The following LMTK2 variants were observed in gnomAD, a reference collection of about 807,000 sequenced individuals.
LMTK2 encodes the protein lemur tail kinase 2.
LMTK2 carries 37 observed loss-of-function variants against 127.5 expected under a neutral mutation model. The observed-to-expected ratio is 0.29, with a 90% CI of 0.22 to 0.38. The LOEUF is 0.38. LMTK2 is among the 10% of genes least tolerant of loss of function. The pLI is 1.00. For missense variants in LMTK2, 1,694 were observed against 1,920.3 expected, an observed-to-expected ratio of 0.88 and a Z score of 2.20; for synonymous variants, 819 against 810.1, an observed-to-expected ratio of 1.01 and a Z score of -0.19.
In LMTK2 at chr7:98,205,582, C is replaced by A; in HGVS notation, c.*90C>A. ...AGCCCGAGCAGCGACATCCACTCGC[C>A]ATTTGCTGACATGAGATTGGGAGGA... On this transcript the variant is annotated 3_prime_UTR_variant, in exon 14 of 14. Transcript: ENST00000297293. 7.6e-7 allele frequency: 1 copy of A among 1,318,680 alleles called. No homozygotes were observed. Among genetic ancestry groups the A allele is most frequent in the Non-Finnish European group, 1.1e-6 (1 of 934,168 alleles). 81.7% of individuals were successfully genotyped at this position (1,318,680 alleles called of 1,614,324 possible).
chr7:98,116,405 T>C (rs1796284789), intron 1 of LMTK2, among the ~76,000 whole-genome samples: 1 of 150,968 alleles, frequency 6.6e-6, no homozygotes, highest in Non-Finnish European at 1.5e-5. Flanking sequence ...TGTGTGTGTG[T>C]GCATGTGCGT....
intron 11 of LMTK2, among the ~76,000 whole-genome samples, chr7:98,200,241 G>A (rs148848025): frequency 2.2e-4 from 33 of 152,150 alleles, no homozygotes; most frequent in South Asian, 6.2e-4. Flanking sequence ...TTTGCCCTCC[G>A]TCCCCTTCTT....
chr7:98,157,473 C>T (rs79741749), intron 5 of LMTK2, among the ~76,000 whole-genome samples: 8,056 of 152,040 alleles, frequency 0.053, 632 homozygotes, highest in East Asian at 0.36. Flanking sequence ...GCATCCCTTG[C>T]CATTTATTCC....
intron 4 of LMTK2, 47 bp downstream of exon 4, chr7:98,151,502 G>A (rs372814861): frequency 1.1e-4 from 152 of 1,390,612 alleles, no homozygotes; most frequent in Non-Finnish European, 1.4e-4. Context: ...ATGATACTGT[G>A]TTCAGTGCAG....
At chr7:98,203,786 G>A in intron 12 of LMTK2, 80 bp downstream of exon 12, 1 of 1,592,152 alleles carries the variant, frequency 6.3e-7, no homozygotes, top group East Asian at 2.2e-5. Context: ...AACTTCCCAT[G>A]TTGCTTTAAT....
chr7:98,141,626 C>A, intron 3 of LMTK2, 85 bp downstream of exon 3: 1 of 1,266,224 alleles, frequency 7.9e-7, no homozygotes. Flanking sequence ...AAATATTGGA[C>A]TGCCCATCTC....
intron 11 of LMTK2, among the ~76,000 whole-genome samples, chr7:98,201,755 G>A (rs1159239974): frequency 3.9e-5 from 6 of 152,004 alleles, no homozygotes; most frequent in Admixed American, 1.3e-4. Flanking sequence ...GGCTACAGGC[G>A]TGCACCACCA....
intron 1 of LMTK2, among the ~76,000 whole-genome samples, chr7:98,114,595 G>T (rs866043180): frequency 1.5e-4 from 23 of 152,226 alleles, no homozygotes; most frequent in Middle Eastern, 6.8e-3. Context: ...AATTAGGTGT[G>T]CAGGACCTTG....
At position 98,191,729 on chromosome 7, in the gene LMTK2, T is replaced by C; in HGVS notation, c.1264T>C (p.Phe422Leu). 6.2e-7 allele frequency: 1 copy of C among 1,614,156 alleles called. No homozygotes were observed. The highest frequency in any genetic ancestry group is 1.1e-5 in the South Asian group (1 of 91,074). The part of the protein sequence containing the change: ...LQSQRDSEVD[F>L]EQQWNALKPN... ...GAGCCAGCGGGACTCAGAGGTCGAC[T>C]TTGAACAGCAGTGGAACGCTCTGAA... The change falls in exon 11 of 14, where the codon TTT becomes CTT. Residue 422 changes from phenylalanine (F) to leucine (L), a missense_variant. Coordinates refer to ENST00000297293, the MANE Select transcript of LMTK2 (RefSeq NM_014916.4).
At chr7:98,117,733 G>A (rs1212266913) in intron 1 of LMTK2, among the ~76,000 whole-genome samples, 3 of 152,096 alleles carry the variant, frequency 2.0e-5, no homozygotes, top group Non-Finnish European at 2.9e-5. Flanking sequence ...TTGGGAGGCC[G>A]AGGTGGGCGG....
At position 98,171,957 on chromosome 7, in the gene LMTK2, G is replaced by A. The variant is rs998628456; in HGVS notation, c.791+283G>A. 2.0e-5 allele frequency among the ~76,000 whole-genome samples: 3 copies of A among 152,170 alleles called. No homozygotes were observed. Among genetic ancestry groups the A allele is most frequent in the Admixed American group, 6.5e-5 (1 of 15,276 alleles). The stretch of plus-strand genomic sequence containing the variant: ...CTCAGAGTTGGGAGTAAACAGTCCC[G>A]ATCCACCGTATGACACCTCGCGTGT... On this transcript the variant is annotated intron_variant, in intron 7 of 13. Coordinates refer to ENST00000297293, the MANE Select transcript of LMTK2 (RefSeq NM_014916.4). The surrounding 1 kb of genome is among the most constrained non-coding windows in gnomAD (Gnocchi z 5.1).
Position 98,171,058 on chromosome 7 carries a change from TCTC to T in LMTK2, c.658-480_658-478del, listed in dbSNP as rs376818904. Among the ~76,000 whole-genome samples, 27 of 152,184 alleles carry T rather than the reference TCTC, an allele frequency of 1.8e-4. No individual in the cohort carries two copies. Among genetic ancestry groups the T allele is most frequent in the African/African-American group, 6.3e-4 (26 of 41,526 alleles). On this transcript the variant is annotated intron_variant, in intron 6 of 13. Coordinates refer to ENST00000297293, the MANE Select transcript of LMTK2 (RefSeq NM_014916.4). This position sits in a 1 kb window ranked among gnomAD's most constrained non-coding sequence, Gnocchi z 5.1. ...CAGTTGTTGCTGCACTACCTGGACT[TCTC>T]CTTTCCCACCCATTTTTCTTTCCTT...
At chr7:98,142,229 GA>G (rs1459514765) in intron 3 of LMTK2, among the ~76,000 whole-genome samples, 1 of 152,182 alleles carries the variant, frequency 6.6e-6, no homozygotes, top group Non-Finnish European at 1.5e-5. Flanking sequence ...TAAGTCTGTA[GA>G]TGCTAGGACT....
At chr7:98,189,172 G>A (rs1340965512) in intron 9 of LMTK2, among the ~76,000 whole-genome samples, 1 of 152,146 alleles carries the variant, frequency 6.6e-6, no homozygotes, top group Non-Finnish European at 1.5e-5. Flanking sequence ...ACCCCAGTGT[G>A]AGGACTGTAG....
chr7:98,119,679 C>T (rs1796335738), intron 1 of LMTK2, among the ~76,000 whole-genome samples: 2 of 152,094 alleles, frequency 1.3e-5, no homozygotes, highest in African/African-American at 4.8e-5. Context: ...ACCACCAGGC[C>T]TCAGCTCACT....
At chr7:98,183,392 ATTTT>A (rs1797383000) in intron 7 of LMTK2, among the ~76,000 whole-genome samples, 1 of 152,002 alleles carries the variant, frequency 6.6e-6, no homozygotes, top group Admixed American at 6.6e-5. Context: ...TCAGGTGTGT[ATTTT>A]TTATTTATTT....
At chr7:98,142,572 G>C (rs1160402594) in intron 3 of LMTK2, among the ~76,000 whole-genome samples, 1 of 152,120 alleles carries the variant, frequency 6.6e-6, no homozygotes, top group Non-Finnish European at 1.5e-5. Flanking sequence ...TTGCTTGTTT[G>C]ATAATTTGCT....
At chr7:98,156,204 C>G (rs1048287100) in intron 5 of LMTK2, among the ~76,000 whole-genome samples, 20 of 152,286 alleles carry the variant, frequency 1.3e-4, no homozygotes, top group African/African-American at 4.6e-4. Context: ...CAGTGGCTCA[C>G]GCCTGTAATC....
chr7:98,195,218 C>A (rs1315840747), intron 11 of LMTK2, among the ~76,000 whole-genome samples: 1 of 152,144 alleles, frequency 6.6e-6, no homozygotes, highest in Non-Finnish European at 1.5e-5. Flanking sequence ...GCAGTAGGAC[C>A]CACCACTTGG....
Sources: gnomAD v4.1 joint callset for allele counts (sites outside exome capture counted in the v4.1 genomes callset) on GRCh38, gnomAD v4.1.1 for gene constraint, Gnocchi (gnomAD v3.1) non-coding constraint, MANE v1.5 for transcripts, NCBI Gene and HGNC (gene_info 2026-07-23, HGNC 2026-07-21) for gene names.